ARFGEF3: variants seen among roughly 807,000 people sequenced by gnomAD.
The protein encoded by ARFGEF3 is brefeldin A-inhibited guanine nucleotide-exchange protein 3.
Under a neutral mutation model 221.7 loss-of-function variants are expected in ARFGEF3, and 96 were observed. The ratio of observed to expected loss-of-function variants is 0.43; its 90% CI spans 0.37 to 0.51. ARFGEF3 has a LOEUF of 0.51. ARFGEF3 is among the 20% of genes least tolerant of loss of function. The pLI is 0.00. For synonymous variants in ARFGEF3, 1,145 were observed against 1,126.8 expected, an observed-to-expected ratio of 1.02 and a Z score of -0.32; for missense variants, 2,410 against 2,789.9, an observed-to-expected ratio of 0.86 and a Z score of 3.07.
rs538427244 is a variant in ARFGEF3 at position 138,338,580 on chromosome 6, A to T, written c.*2094A>T. On this transcript the variant is annotated 3_prime_UTR_variant, in exon 34 of 34. Transcript: ENST00000251691. Reference sequence around the variant, plus strand: ...TTTGGGAGGCCAAGGTGGGCAGATAACCTGCGGTCAGGAGTTTGAGACCAG... The same window carrying T: ...TTTGGGAGGCCAAGGTGGGCAGATATCCTGCGGTCAGGAGTTTGAGACCAG... The T allele has an allele frequency of 3.1e-4, 47 of 152,332 alleles. No homozygotes were observed. The highest frequency in any genetic ancestry group is 1.1e-3 in the African/African-American group (45 of 41,562). 9.4% of individuals were successfully genotyped at this position (152,332 alleles called of 1,614,324 possible).
intron 2 of ARFGEF3, among the ~76,000 whole-genome samples, chr6:138,197,659 G>A (rs1006247127): frequency 6.6e-6 from 1 of 152,130 alleles, no homozygotes; most frequent in Non-Finnish European, 1.5e-5. Flanking sequence ...ACCGTGGTCC[G>A]TCATTGACGG....
intron 17 of ARFGEF3, among the ~76,000 whole-genome samples, chr6:138,288,801 T>A (rs1008954057): frequency 1.3e-5 from 2 of 152,218 alleles, no homozygotes; most frequent in African/African-American, 4.8e-5. Context: ...CTTGCTATAT[T>A]TCTGGGTTCT....
chr6:138,247,817 A>C (rs1348425236), intron 8 of ARFGEF3, among the ~76,000 whole-genome samples: 1 of 152,284 alleles, frequency 6.6e-6, no homozygotes, highest in African/African-American at 2.4e-5. Flanking sequence ...AGATTGAGTG[A>C]GAAAATTCAC....
chr6:138,262,028 G>T (rs917583770), intron 11 of ARFGEF3, among the ~76,000 whole-genome samples: 4 of 152,022 alleles, frequency 2.6e-5, no homozygotes, highest in African/African-American at 7.2e-5. Flanking sequence ...TATAGAGGAA[G>T]GTCCACATTA....
intron 3 of ARFGEF3, among the ~76,000 whole-genome samples, chr6:138,207,371 A>G (rs1323076104): frequency 1.3e-5 from 2 of 152,344 alleles, no homozygotes; most frequent in East Asian, 3.9e-4. Context: ...CTAAGCCCAC[A>G]CAGATAGGGA....
intron 14 of ARFGEF3, among the ~76,000 whole-genome samples, chr6:138,282,576 T>G (rs764012139): frequency 7.9e-5 from 12 of 152,198 alleles, no homozygotes; most frequent in Non-Finnish European, 1.6e-4. Context: ...GAACATACAG[T>G]GAGGTCTGTC....
intron 10 of ARFGEF3, among the ~76,000 whole-genome samples, chr6:138,258,871 C>G (rs1778735667): frequency 6.6e-6 from 1 of 152,198 alleles, no homozygotes. Context: ...AGTAGAGCCA[C>G]TTGGTACCTG....
chr6:138,261,857 G>A (rs1328461138), intron 11 of ARFGEF3, among the ~76,000 whole-genome samples: 1 of 152,096 alleles, frequency 6.6e-6, no homozygotes, highest in Non-Finnish European at 1.5e-5. Context: ...TGTACCAAGT[G>A]AAATATACAA....
Position 138,298,671 on chromosome 6 carries a change from A to G in ARFGEF3, c.3714A>G (p.Thr1238=), listed in dbSNP as rs1307415573. 1 of 1,613,704 alleles carries G rather than the reference A, an allele frequency of 6.2e-7. No homozygotes were observed. Among genetic ancestry groups the G allele is most frequent in the Non-Finnish European group, 8.5e-7 (1 of 1,179,768 alleles). ...TTTCCTTCATCCATGACATACTGAC[A>G]GAAGTCCTCACTGACTGGAATGAGC... ...KAVSFIHDIL[T]EVLTDWNEPP... Residue 1238 remains threonine (T), a synonymous_variant, in exon 22 of 34, where the codon ACA becomes ACG. Coordinates refer to ENST00000251691, the MANE Select transcript of ARFGEF3 (RefSeq NM_020340.5).
chr6:138,237,271 C>T (rs1446309738), intron 5 of ARFGEF3, among the ~76,000 whole-genome samples: 1 of 152,080 alleles, frequency 6.6e-6, no homozygotes, highest in East Asian at 1.9e-4. Context: ...AGGTGAGAAT[C>T]CTGGATTTTC....
chr6:138,304,846 T>G (rs1006660582), intron 22 of ARFGEF3, among the ~76,000 whole-genome samples: 2 of 152,152 alleles, frequency 1.3e-5, no homozygotes, highest in African/African-American at 4.8e-5. Context: ...TATGAGAATG[T>G]GATTAGTATT....
intron 32 of ARFGEF3, among the ~76,000 whole-genome samples, chr6:138,328,363 G>A (rs1421068309): frequency 1.3e-5 from 2 of 152,306 alleles, no homozygotes; most frequent in East Asian, 3.9e-4. Context: ...ACCACAGACT[G>A]GGTGACTCAA....
At chr6:138,267,121 T>G (rs1778911214) in intron 12 of ARFGEF3, among the ~76,000 whole-genome samples, 1 of 135,766 alleles carries the variant, frequency 7.4e-6, no homozygotes, top group Non-Finnish European at 1.6e-5. Context: ...GTAATAATGA[T>G]GGCCTTGAGC....
chr6:138,243,484 C>T (rs1346122186), intron 7 of ARFGEF3, among the ~76,000 whole-genome samples: 1 of 152,154 alleles, frequency 6.6e-6, no homozygotes, highest in Non-Finnish European at 1.5e-5. Flanking sequence ...AAGGAACTTT[C>T]ATTCTGACCC....
chr6:138,260,117 G>C (rs1017027197), intron 10 of ARFGEF3, among the ~76,000 whole-genome samples: 1 of 152,102 alleles, frequency 6.6e-6, no homozygotes, highest in African/African-American at 2.4e-5. Context: ...GTAGAGAGGG[G>C]GCGAGAGAGA....
chr6:138,296,299 CAA>C (rs967961853), intron 20 of ARFGEF3, among the ~76,000 whole-genome samples: 1 of 152,182 alleles, frequency 6.6e-6, no homozygotes. Context: ...GTGACAGTAA[CAA>C]GAGTAATAAT....
At chr6:138,217,027 C>T (rs1181427905) in intron 4 of ARFGEF3, 1 of 152,170 alleles carries the variant, frequency 6.6e-6, no homozygotes, top group East Asian at 1.9e-4. Context: ...GATATGACTG[C>T]CTTCAGCAGA....
rs1780422787 is a variant in ARFGEF3, at chr6:138,341,069, T to TAATA, written c.*4584_*4587dup. 1 of 152,414 alleles carries TAATA rather than the reference T, an allele frequency of 6.6e-6. No homozygotes were observed. Among genetic ancestry groups the TAATA allele is most frequent in the South Asian group, 2.1e-4 (1 of 4,834 alleles). 9.4% of individuals were successfully genotyped at this position (152,414 alleles called of 1,614,324 possible). ...ACTGAATTAGGTGGAAATGATGGAA[T>TAATA]AATACTATTCATGGCCAGCTATTAA... On this transcript the variant is annotated 3_prime_UTR_variant, in exon 34 of 34. Transcript: ENST00000251691.
chr6:138,201,474 G>A (rs990334131), intron 2 of ARFGEF3, among the ~76,000 whole-genome samples: 5 of 152,144 alleles, frequency 3.3e-5, no homozygotes, highest in Admixed American at 6.6e-5. Flanking sequence ...ACATACAATG[G>A]AATACTACTC....
Sources: gnomAD v4.1 joint callset for allele counts (sites outside exome capture counted in the v4.1 genomes callset) on GRCh38, gnomAD v4.1.1 for gene constraint, MANE v1.5 for transcripts, NCBI Gene and HGNC (gene_info 2026-07-23, HGNC 2026-07-21) for gene names.